Variants in PITPNC1 observed in about 807,000 individuals in gnomAD.
The protein encoded by PITPNC1 is cytoplasmic phosphatidylinositol transfer protein 1.
Under a neutral mutation model 44.7 loss-of-function variants are expected in PITPNC1, and 18 were observed. The observed-to-expected ratio is 0.40, with a 90% CI of 0.28 to 0.60. The LOEUF is 0.60. Among genes scored for constraint, PITPNC1 ranks in the 20% least tolerant of loss-of-function variants. The pLI, the probability that PITPNC1 is intolerant of heterozygous loss-of-function variation, is 0.39. For synonymous variants in PITPNC1, 141 were observed against 149.6 expected (o/e 0.94, Z 0.42); for missense variants, 290 against 418.4 (o/e 0.69, Z 2.68).
chr17:67,425,193 G>GCGCGCACACA (rs1160522771), intron 1 of PITPNC1, among the ~76,000 whole-genome samples: 11 of 52,122 alleles, frequency 2.1e-4, no homozygotes, highest in African/African-American at 9.2e-4. Flanking sequence ...TTGTGCGCGC[G>GCGCGCACACA]CACGCACACG....
chr17:67,609,010 T>TTTTA (rs149418935), intron 5 of PITPNC1, among the ~76,000 whole-genome samples: 13 of 151,574 alleles, frequency 8.6e-5, no homozygotes, highest in South Asian at 4.2e-4. Context: ...TTCCCTGTGA[T>TTTTA]TTTATTTATT....
chr17:67,503,698 G>A (rs1366008497), intron 1 of PITPNC1, among the ~76,000 whole-genome samples: 10 of 152,310 alleles, frequency 6.6e-5, no homozygotes, highest in Admixed American at 3.3e-4. Flanking sequence ...GAGGGGAAGT[G>A]TGGATGATTT....
chr17:67,640,172 A>G (rs183997118), intron 6 of PITPNC1, among the ~76,000 whole-genome samples: 35 of 151,968 alleles, frequency 2.3e-4, no homozygotes, highest in Non-Finnish European at 4.1e-4. Flanking sequence ...TGGGGCCTGC[A>G]TGCTTCTTGG....
At chr17:67,447,914 CTCTG>C (rs772315476) in intron 1 of PITPNC1, among the ~76,000 whole-genome samples, 4 of 151,726 alleles carry the variant, frequency 2.6e-5, no homozygotes, top group African/African-American at 9.7e-5. Context: ...TTCTTTCTCT[CTCTG>C]TCTCTCTCTT....
rs559297334 is a variant in PITPNC1, at chr17:67,549,216, G to A, written c.198-3041G>A. ...TGCCAGTAATCCCAGCACTTTAGGA[G>A]GCCGAGGCGGGCGGATCACCTGAGG... On this transcript the variant is annotated intron_variant, in intron 2 of 8. Coordinates refer to ENST00000581322, the MANE Select transcript of PITPNC1 (RefSeq NM_012417.4). Among the ~76,000 whole-genome samples the A allele has an allele frequency of 9.9e-5, 15 of 152,236 alleles. No homozygotes were observed. The South Asian group carries it at 3.1e-3, about 32-fold the overall frequency.
chr17:67,581,477 C>T (rs2041233156), intron 5 of PITPNC1, among the ~76,000 whole-genome samples: 1 of 152,196 alleles, frequency 6.6e-6, no homozygotes, highest in African/African-American at 2.4e-5. Context: ...TGTCATGGCA[C>T]CCAACTTGCC....
intron 1 of PITPNC1, among the ~76,000 whole-genome samples, chr17:67,442,781 G>C (rs1224478262): frequency 2.6e-5 from 4 of 151,930 alleles, no homozygotes; most frequent in Non-Finnish European, 4.4e-5. Context: ...CTTGAACCAG[G>C]AGACGAAGGG....
At chr17:67,471,246 A>G (rs928057508) in intron 1 of PITPNC1, among the ~76,000 whole-genome samples, 3 of 150,844 alleles carry the variant, frequency 2.0e-5, no homozygotes, top group Non-Finnish European at 4.4e-5. Context: ...AATGTAAAAA[A>G]AAAAAAAAAA....
chr17:67,674,614 CACTTTTTA>C (rs2042570762), intron 7 of PITPNC1, among the ~76,000 whole-genome samples: 1 of 142,636 alleles, frequency 7.0e-6, no homozygotes. Context: ...AAGTGCTGTT[CACTTTTTA>C]GGATATGTCA....
At position 67,401,423 on chromosome 17, in the gene PITPNC1, G is replaced by T. The variant is rs528964401; in HGVS notation, c.48+23221G>T. On this transcript the variant is annotated intron_variant, in intron 1 of 8. Transcript: ENST00000581322. ...TACAACCTCTATGATTTTCCACTTT[G>T]ATTTGTTGGAAGATGCTTTCTCATG... 7.1e-4 allele frequency among the ~76,000 whole-genome samples: 108 copies of T among 152,260 alleles called. 2 individuals are homozygous for T. In the Middle Eastern group the frequency reaches 0.014, roughly 19 times the overall value.
chr17:67,442,204 C>CACAT (rs2039021467), intron 1 of PITPNC1, among the ~76,000 whole-genome samples: 2 of 54,216 alleles, frequency 3.7e-5, no homozygotes, highest in African/African-American at 5.0e-5. Flanking sequence ...GGAAAATAAG[C>CACAT]ATATATATAT....
intron 1 of PITPNC1, among the ~76,000 whole-genome samples, chr17:67,441,356 G>A (rs1819883553): frequency 2.0e-5 from 3 of 151,676 alleles, no homozygotes; most frequent in Admixed American, 1.3e-4. Context: ...TTCATCTGAG[G>A]ACGACTCACC....
chr17:67,605,429 G>A (rs997204523), intron 5 of PITPNC1, among the ~76,000 whole-genome samples: 1 of 152,216 alleles, frequency 6.6e-6, no homozygotes, highest in Non-Finnish European at 1.5e-5. Context: ...TCCAGCCTGG[G>A]AACAGAGCTT....
chr17:67,628,670 T>C (rs563590615), intron 5 of PITPNC1, among the ~76,000 whole-genome samples: 23 of 151,564 alleles, frequency 1.5e-4, no homozygotes, highest in African/African-American at 5.6e-4. Flanking sequence ...CCAGAGGAGG[T>C]TGGTGGACAG....
At chr17:67,627,785 G>A (rs2041913461) in intron 5 of PITPNC1, among the ~76,000 whole-genome samples, 1 of 152,116 alleles carries the variant, frequency 6.6e-6, no homozygotes, top group Non-Finnish European at 1.5e-5. Flanking sequence ...CTTTGAGCAA[G>A]CCTCTTTACT....
At chr17:67,645,009 G>T (rs1378059861) in intron 6 of PITPNC1, among the ~76,000 whole-genome samples, 5 of 152,162 alleles carry the variant, frequency 3.3e-5, no homozygotes, top group Admixed American at 6.6e-5. Flanking sequence ...CCTCAGAGCA[G>T]AGCTTCCCAT....
At chr17:67,401,537 T>C (rs566719569) in intron 1 of PITPNC1, among the ~76,000 whole-genome samples, 1 of 152,270 alleles carries the variant, frequency 6.6e-6, no homozygotes, top group East Asian at 1.9e-4. Context: ...GCTGACTCTT[T>C]AAACATTTAA....
At chr17:67,413,723 G>A (rs1432524572) in intron 1 of PITPNC1, among the ~76,000 whole-genome samples, 1 of 152,164 alleles carries the variant, frequency 6.6e-6, no homozygotes, top group Non-Finnish European at 1.5e-5. Flanking sequence ...TGCTGGCTAT[G>A]ACCTGGTTCC....
chr17:67,625,846 C>T (rs1296525380), intron 5 of PITPNC1, among the ~76,000 whole-genome samples: 3 of 152,098 alleles, frequency 2.0e-5, no homozygotes, highest in Admixed American at 1.3e-4. Flanking sequence ...CTCCTTAGGG[C>T]CACAGATCTC....
Sources: allele counts gnomAD v4.1 joint callset (sites outside exome capture counted in the v4.1 genomes callset), GRCh38; gene constraint gnomAD v4.1.1; transcripts MANE v1.5; gene names NCBI Gene and HGNC (gene_info 2026-07-23, HGNC 2026-07-21).